The following DNM3 variants were observed in gnomAD, a reference collection of about 807,000 sequenced individuals.
DNM3 encodes dynamin 3.
Under a neutral mutation model 101.6 loss-of-function variants are expected in DNM3, and 47 were observed. The ratio of observed to expected loss-of-function variants is 0.46; its 90% CI spans 0.37 to 0.59. DNM3 has a LOEUF of 0.59. DNM3 is among the 20% of genes least tolerant of loss of function. The pLI is 0.00. For synonymous variants in DNM3, 385 were observed against 387.9 expected, an observed-to-expected ratio of 0.99 and a Z score of 0.09; for missense variants, 849 against 1,085.7, an observed-to-expected ratio of 0.78 and a Z score of 3.06.
chr1:171,921,127 T>TC (rs2040131103), intron 1 of DNM3, among the ~76,000 whole-genome samples: 1 of 151,694 alleles, frequency 6.6e-6, no homozygotes, highest in South Asian at 2.1e-4. Context: ...CTTTTTTTTT[T>TC]TGTAGCGCTG....
intron 18 of DNM3, among the ~76,000 whole-genome samples, chr1:172,386,147 T>C (rs2069167174): frequency 6.6e-6 from 1 of 152,248 alleles, no homozygotes; most frequent in Admixed American, 6.5e-5. Context: ...GTATATACCA[T>C]ACTTCATCGA....
intron 2 of DNM3, among the ~76,000 whole-genome samples, chr1:171,929,046 C>T (rs1365438330): frequency 6.6e-6 from 1 of 152,022 alleles, no homozygotes; most frequent in Non-Finnish European, 1.5e-5. Flanking sequence ...TTGGGACGTC[C>T]CTTCCAGGAA....
At chr1:171,936,212 G>C (rs138937186) in intron 2 of DNM3, among the ~76,000 whole-genome samples, 42 of 152,026 alleles carry the variant, frequency 2.8e-4, no homozygotes, top group Admixed American at 9.8e-4. Context: ...CGAAACAGCC[G>C]GGCATAGTGG....
At chr1:172,112,869 C>T (rs1435312168) in intron 13 of DNM3, among the ~76,000 whole-genome samples, 1 of 152,188 alleles carries the variant, frequency 6.6e-6, no homozygotes, top group East Asian at 1.9e-4. Flanking sequence ...GTAAAGTGCA[C>T]ACTGCTTATA....
intron 14 of DNM3, among the ~76,000 whole-genome samples, chr1:172,213,688 G>A (rs2060592616): frequency 6.6e-6 from 1 of 151,778 alleles, no homozygotes; most frequent in African/African-American, 2.4e-5. Flanking sequence ...AATTAGCGAG[G>A]CATGGTGGCA....
intron 4 of DNM3, among the ~76,000 whole-genome samples, chr1:172,007,056 ATCTGT>A (rs2046743259): frequency 6.6e-6 from 1 of 152,094 alleles, no homozygotes; most frequent in Non-Finnish European, 1.5e-5. Context: ...TCTTCCATTT[ATCTGT>A]TAGTGGATCT....
At chr1:172,257,844 A>G (rs1275742686) in intron 15 of DNM3, among the ~76,000 whole-genome samples, 1 of 150,848 alleles carries the variant, frequency 6.6e-6, no homozygotes, top group African/African-American at 2.4e-5. Context: ...CCATTAGCCA[A>G]CCTTTCTTCA....
intron 13 of DNM3, among the ~76,000 whole-genome samples, chr1:172,111,173 C>A (rs1329642119): frequency 1.3e-5 from 2 of 152,200 alleles, no homozygotes; most frequent in Non-Finnish European, 2.9e-5. Flanking sequence ...TATATTAAAA[C>A]CCTAGCAGAT....
intron 4 of DNM3, among the ~76,000 whole-genome samples, chr1:172,010,145 T>C (rs1312179281): frequency 6.6e-6 from 1 of 151,940 alleles, no homozygotes; most frequent in Admixed American, 6.6e-5. Flanking sequence ...AATCTTTCTA[T>C]ATACAAAACA....
At chr1:172,092,907 A>G (rs1558557367) in intron 13 of DNM3, 32 bp downstream of exon 13, 5 of 1,531,602 alleles carry the variant, frequency 3.3e-6, no homozygotes, top group Non-Finnish European at 4.4e-6. Flanking sequence ...CAGTGTATGC[A>G]TGTCCCAAAG....
At chr1:171,902,637 A>G (rs968890030) in intron 1 of DNM3, among the ~76,000 whole-genome samples, 15 of 151,374 alleles carry the variant, frequency 9.9e-5, no homozygotes, top group African/African-American at 3.6e-4. Flanking sequence ...TTAAACTAAC[A>G]TTTGGTTCAG....
At chr1:172,132,840 A>C (rs549249461) in intron 14 of DNM3, 4 of 746,042 alleles carry the variant, frequency 5.4e-6, no homozygotes, top group South Asian at 4.5e-5. Flanking sequence ...ATAAAACAAA[A>C]CCTTTTTTTA....
chr1:172,296,694 C>G (rs2148831754), intron 15 of DNM3, among the ~76,000 whole-genome samples: 1 of 152,340 alleles, frequency 6.6e-6, no homozygotes, highest in African/African-American at 2.4e-5. Flanking sequence ...AAGATATTAT[C>G]ATTTCCTTAA....
chr1:171,900,615 G>T (rs2038226303), intron 1 of DNM3, among the ~76,000 whole-genome samples: 1 of 152,156 alleles, frequency 6.6e-6, no homozygotes, highest in Non-Finnish European at 1.5e-5. Flanking sequence ...TTTCAGCAGG[G>T]CAGCAGTCAG....
At chr1:172,320,661 T>G (rs1294716875) in intron 16 of DNM3, among the ~76,000 whole-genome samples, 3 of 152,202 alleles carry the variant, frequency 2.0e-5, no homozygotes, top group African/African-American at 7.2e-5. Context: ...CTTAGGAAAC[T>G]ATCAGTGGGA....
chr1:172,308,981 C>T (rs2064967140), intron 16 of DNM3, 142 bp downstream of exon 16: 1 of 438,058 alleles, frequency 2.3e-6, no homozygotes, highest in Non-Finnish European at 4.0e-6. Context: ...ACTTCGCTTA[C>T]TCTTTTTATA....
intron 13 of DNM3, among the ~76,000 whole-genome samples, chr1:172,105,152 T>G (rs2054923020): frequency 6.6e-6 from 1 of 152,254 alleles, no homozygotes; most frequent in African/African-American, 2.4e-5. Context: ...ACCATTGATT[T>G]GCAATACTTC....
Position 172,271,835 on chromosome 1 carries a change from T to A in DNM3, c.1769+18153T>A, listed in dbSNP as rs1437807306. On this transcript the variant is annotated intron_variant, in intron 15 of 20. Coordinates refer to ENST00000627582, the MANE Select transcript of DNM3 (RefSeq NM_015569.5). Reference sequence around the variant, plus strand: ...ACATTGGTTCACTGATTTACACAGATCTTCCAAATGTTTATACATTTCATT... The same window carrying A: ...ACATTGGTTCACTGATTTACACAGAACTTCCAAATGTTTATACATTTCATT... 2.0e-5 allele frequency among the ~76,000 whole-genome samples: 3 copies of A among 152,142 alleles called. No homozygotes were observed. In the East Asian group the frequency reaches 5.8e-4, roughly 29 times the overall value.
intron 1 of DNM3, among the ~76,000 whole-genome samples, chr1:171,847,896 C>CTCTGTGTGTGTGTG (rs1200145388): frequency 7.1e-6 from 1 of 141,156 alleles, no homozygotes; most frequent in African/African-American, 2.7e-5. Context: ...CTCTCTCTCT[C>CTCTGTGTGTGTGTG]TGTGTGTGTG....
Sources: allele counts gnomAD v4.1 joint callset (sites outside exome capture counted in the v4.1 genomes callset), GRCh38; gene constraint gnomAD v4.1.1; transcripts MANE v1.5; gene names NCBI Gene and HGNC (gene_info 2026-07-23, HGNC 2026-07-21).